The following CAMTA1 variants were observed in gnomAD, a reference collection of about 807,000 sequenced individuals.
The protein encoded by CAMTA1 is calmodulin-binding transcription activator 1.
In CAMTA1, 27 loss-of-function variants were observed where a neutral mutation model predicts 170.9. The ratio of observed to expected loss-of-function variants is 0.16; its 90% CI spans 0.12 to 0.22. CAMTA1 has a LOEUF of 0.22. Ranked by LOEUF, CAMTA1 falls within the 10% of genes least tolerant of loss-of-function variation. The probability of loss-of-function intolerance (pLI) is 1.00; values close to 1 mark genes in which losing one functional copy is unlikely to be tolerated. For synonymous variants in CAMTA1, 833 were observed against 891.5 expected (o/e 0.93, Z 1.17); for missense variants, 1,619 against 2,217.2 (o/e 0.73, Z 5.42).
Position 7,738,251 on chromosome 1 carries a change from T to G in CAMTA1, c.3951T>G (p.Pro1317=), listed in dbSNP as rs139833512. The change falls in exon 16 of 23, where the codon CCT becomes CCG. Residue 1317 remains proline (P), a synonymous_variant. Transcript: ENST00000303635. This position sits in a 1 kb window ranked among gnomAD's most constrained non-coding sequence, Gnocchi z 4.9. ...CATTTCAAGCCTCTGGATCTCAGCCTGTAGGAAAGTGGAATTCCAAAGATC... is the reference window on the plus strand; with the variant it reads ...CATTTCAAGCCTCTGGATCTCAGCCGGTAGGAAAGTGGAATTCCAAAGATC... ...TAAFQASGSQ[P]VGKWNSKDLY... 8.7e-6 allele frequency: 14 copies of G among 1,613,964 alleles called. No homozygotes were observed. The African/African-American group carries it at 1.9e-4, about 22-fold the overall frequency.
chr1:7,266,632 C>T (rs1328867616), intron 5 of CAMTA1, among the ~76,000 whole-genome samples: 1 of 152,128 alleles, frequency 6.6e-6, no homozygotes, highest in Non-Finnish European at 1.5e-5. Flanking sequence ...CCTTAGGAGC[C>T]CTGAGAGAAG....
intron 6 of CAMTA1, among the ~76,000 whole-genome samples, chr1:7,473,800 G>C (rs925559959): frequency 6.6e-6 from 1 of 152,254 alleles, no homozygotes; most frequent in Non-Finnish European, 1.5e-5. Context: ...GATGAGCCCA[G>C]CTCCACACTG....
intron 4 of CAMTA1, among the ~76,000 whole-genome samples, chr1:7,151,705 C>T (rs953149496): frequency 3.9e-5 from 6 of 152,184 alleles, no homozygotes; most frequent in African/African-American, 7.2e-5. Context: ...GTCTCCCAGT[C>T]GAGGACGGAG....
chr1:6,927,407 A>T (rs1355063626), intron 3 of CAMTA1, among the ~76,000 whole-genome samples: 1 of 152,240 alleles, frequency 6.6e-6, no homozygotes. Context: ...AAGTAGTTAG[A>T]TATAAACACC....
rs193221568 is a variant in CAMTA1, at chr1:6,998,945, T to C, written c.235-92359T>C. ...AATACACATAACATAAAATTTACCA[T>C]TTTAAACTTTTTTTAGTGCACAGTT... On this transcript the variant is annotated intron_variant, in intron 3 of 22. Transcript: ENST00000303635. Among the ~76,000 whole-genome samples the C allele has an allele frequency of 4.6e-5, 7 of 152,354 alleles. No homozygotes were observed. In the East Asian group the frequency reaches 1.3e-3, roughly 29 times the overall value.
intron 3 of CAMTA1, among the ~76,000 whole-genome samples, chr1:7,027,215 A>G (rs895496722): frequency 6.6e-6 from 1 of 152,120 alleles, no homozygotes; most frequent in Non-Finnish European, 1.5e-5. Context: ...AAAAAAAGAA[A>G]TGTCTTCGGT....
chr1:6,889,491 T>C (rs777993148), intron 3 of CAMTA1, among the ~76,000 whole-genome samples: 2 of 151,916 alleles, frequency 1.3e-5, no homozygotes, highest in Non-Finnish European at 2.9e-5. Context: ...ATGTGGGGAG[T>C]AAAGTAAGTG....
intron 6 of CAMTA1, among the ~76,000 whole-genome samples, chr1:7,492,536 T>C (rs4584416): frequency 0.69 from 104,807 of 151,666 alleles, 37,819 homozygotes; most frequent in African/African-American, 0.91. Context: ...TGCATAGCAC[T>C]GTGAGGGCTT....
intron 22 of CAMTA1, among the ~76,000 whole-genome samples, chr1:7,758,771 T>C (rs945308465): frequency 6.6e-6 from 1 of 151,880 alleles, no homozygotes; most frequent in Non-Finnish European, 1.5e-5. Flanking sequence ...CCGTCTCTAC[T>C]GAAAATACAA....
chr1:7,279,001 G>A (rs966578654), intron 5 of CAMTA1, among the ~76,000 whole-genome samples: 1 of 152,094 alleles, frequency 6.6e-6, no homozygotes, highest in Non-Finnish European at 1.5e-5. Flanking sequence ...ATGAGGAGAA[G>A]GGGAAGGCAT....
chr1:7,142,431 A>T (rs919071696), intron 4 of CAMTA1, among the ~76,000 whole-genome samples: 1 of 152,200 alleles, frequency 6.6e-6, no homozygotes, highest in Non-Finnish European at 1.5e-5. Context: ...GATGATGGGC[A>T]GGTGATGTCC....
At chr1:7,704,466 C>A (rs1414619593) in intron 11 of CAMTA1, among the ~76,000 whole-genome samples, 1 of 145,766 alleles carries the variant, frequency 6.9e-6, no homozygotes, top group East Asian at 2.0e-4. Flanking sequence ...ACCGGGGGCC[C>A]GGCTCTCGCG....
At chr1:7,584,022 GA>G (rs771304245) in intron 6 of CAMTA1, among the ~76,000 whole-genome samples, 1 of 152,214 alleles carries the variant, frequency 6.6e-6, no homozygotes, top group Non-Finnish European at 1.5e-5. Context: ...TCTGCTCAGA[GA>G]GGGGGTGTCA....
At chr1:7,398,667 C>T (rs1255535832) in intron 5 of CAMTA1, among the ~76,000 whole-genome samples, 1 of 152,038 alleles carries the variant, frequency 6.6e-6, no homozygotes, top group African/African-American at 2.4e-5. Context: ...AGGACTTACT[C>T]CTGCCATTTT....
intron 6 of CAMTA1, among the ~76,000 whole-genome samples, chr1:7,579,734 A>G (rs1168961890): frequency 6.6e-6 from 1 of 150,620 alleles, no homozygotes; most frequent in Non-Finnish European, 1.5e-5. Context: ...TAATTTTTGT[A>G]TTTTCAGTAG....
chr1:7,264,554 A>G (rs1668630575), intron 5 of CAMTA1, among the ~76,000 whole-genome samples: 1 of 152,206 alleles, frequency 6.6e-6, no homozygotes, highest in Admixed American at 6.5e-5. Context: ...AAAACCACAA[A>G]CACTAATAAG....
chr1:7,399,156 A>G (rs1033521231), intron 5 of CAMTA1, among the ~76,000 whole-genome samples: 2 of 152,102 alleles, frequency 1.3e-5, no homozygotes, highest in Non-Finnish European at 2.9e-5. Context: ...TCCTTCATGA[A>G]AGGTTTGGTT....
intron 6 of CAMTA1, among the ~76,000 whole-genome samples, chr1:7,469,633 T>G (rs2093290762): frequency 6.6e-6 from 1 of 152,222 alleles, no homozygotes; most frequent in African/African-American, 2.4e-5. Flanking sequence ...GCTGGCATCC[T>G]GCCAGCAGCC....
At chr1:7,499,795 GGAGAGGATTGTGTGAGCC>G (rs2093947353) in intron 6 of CAMTA1, among the ~76,000 whole-genome samples, 1 of 132,862 alleles carries the variant, frequency 7.5e-6, no homozygotes, top group African/African-American at 2.9e-5. Context: ...GAGTGTGTGT[GGAGAGGATTGTGTGAGCC>G]TGGTGTGCAT....
Sources: gnomAD v4.1 joint callset for allele counts (sites outside exome capture counted in the v4.1 genomes callset) on GRCh38, gnomAD v4.1.1 for gene constraint, Gnocchi (gnomAD v3.1) non-coding constraint, MANE v1.5 for transcripts, NCBI Gene and HGNC (gene_info 2026-07-23, HGNC 2026-07-21) for gene names.